The following LPL variants were observed in gnomAD, a reference collection of about 807,000 sequenced individuals.
The protein encoded by LPL is lipoprotein lipase, also known as phospholipase A1.
A neutral mutation model predicts 52.2 loss-of-function variants in LPL; 43 were observed. The observed-to-expected ratio is 0.82, with a 90% CI of 0.64 to 1.06. The LOEUF is 1.06. Among genes scored for constraint, LPL ranks in the 50% least tolerant of loss-of-function variants. The pLI, the probability that LPL is intolerant of heterozygous loss-of-function variation, is 0.00. For synonymous variants in LPL, 244 were observed against 215.6 expected, an observed-to-expected ratio of 1.13 and a Z score of -1.15; for missense variants, 639 against 585.3, an observed-to-expected ratio of 1.09 and a Z score of -0.95.
chr8:19,961,109 C>G (rs758861206), intron 8 of LPL, 26 bp downstream of exon 8: 1 of 1,605,720 alleles, frequency 6.2e-7, no homozygotes, highest in Non-Finnish European at 8.5e-7. Context: ...TTTCTTCCTT[C>G]ACTTTAGACC....
chr8:19,953,021 T>C (rs2069949055), intron 3 of LPL, among the ~76,000 whole-genome samples: 1 of 152,296 alleles, frequency 6.6e-6, no homozygotes, highest in South Asian at 2.1e-4. Context: ...ATTATATACA[T>C]AAATAATACT....
At position 19,953,294 on chromosome 8, in the gene LPL, T is replaced by C; in HGVS notation, c.430-16T>C. On this transcript the variant is annotated splice_polypyrimidine_tract_variant and intron_variant, in intron 3 of 9. Coordinates refer to ENST00000650287, the MANE Select transcript of LPL (RefSeq NM_000237.3). ...GGCAGAACTGTAAGCACCTTCATTTTCTTTTTCTTCCAAAGGAGGAGTTTA... is the reference window on the plus strand; with the variant it reads ...GGCAGAACTGTAAGCACCTTCATTTCCTTTTTCTTCCAAAGGAGGAGTTTA... 6.6e-7 allele frequency: 1 copy of C among 1,523,194 alleles called. No individual in the cohort carries two copies. The highest frequency in any genetic ancestry group is 1.1e-5 in the South Asian group (1 of 89,354). The allele number at this position is 1,523,194 out of a possible 1,614,324, so 94.4% of individuals were successfully genotyped here.
chr8:19,954,164 A>G lies in LPL; in HGVS notation c.586A>G (p.Ser196Gly), dbSNP rs1171454451. The change falls in exon 5 of 10, where the codon AGT becomes GGT. Residue 196 changes from serine to glycine, a missense_variant. Physicochemically the swap from Ser to Gly is moderately conservative, Grantham distance 56. Coordinates refer to ENST00000650287, the MANE Select transcript of LPL (RefSeq NM_000237.3). ...GPNFEYAEAP[S>G]RLSPDDADFV... is the part of the protein sequence containing the mutation. ...TAACTTTGAGTATGCAGAAGCCCCG[A>G]GTCGTCTTTCTCCTGATGATGCAGA... The G allele has an allele frequency of 6.2e-7, 1 of 1,614,074 alleles. No homozygotes were observed. Among genetic ancestry groups the G allele is most frequent in the Non-Finnish European group, 8.5e-7 (1 of 1,180,046 alleles).
At chr8:19,962,443 G>A (rs370324129) in intron 9 of LPL, among the ~76,000 whole-genome samples, 132 of 152,182 alleles carry the variant, frequency 8.7e-4, no homozygotes, top group African/African-American at 3.0e-3. Context: ...CTCCCAGCCC[G>A]GACCTTCAAC....
chr8:19,965,102 GC>G lies in LPL; in HGVS notation c.*-207del, dbSNP rs147900112. Among the ~76,000 whole-genome samples the G allele has an allele frequency of 0.037, 5,688 of 152,214 alleles. 355 individuals are homozygous for G. Among genetic ancestry groups the G allele is most frequent in the African/African-American group, 0.13 (5,287 of 41,482 alleles). On this transcript the variant is annotated intron_variant, in intron 9 of 9. Coordinates refer to ENST00000650287, the MANE Select transcript of LPL (RefSeq NM_000237.3). ...AAATGATGCACCTTATTGGGACGGG[GC>G]TAAATAGTTGCTCCAGTGTCTTCCA...
At chr8:19,942,304 C>G (rs1348851972) in intron 1 of LPL, among the ~76,000 whole-genome samples, 1 of 152,114 alleles carries the variant, frequency 6.6e-6, no homozygotes, top group Non-Finnish European at 1.5e-5. Context: ...GTGACCACCA[C>G]AAAGACTGCA....
In LPL at chr8:19,965,900, G is replaced by A. The variant is rs949804827; in HGVS notation, c.*590G>A. The A allele has an allele frequency of 6.6e-6, 1 of 152,346 alleles. No individual in the cohort carries two copies. The highest frequency in any genetic ancestry group is 1.5e-5 in the Non-Finnish European group (1 of 68,234). 9.4% of individuals were successfully genotyped at this position (152,346 alleles called of 1,614,324 possible). On this transcript the variant is annotated 3_prime_UTR_variant, in exon 10 of 10. Coordinates refer to ENST00000650287, the MANE Select transcript of LPL (RefSeq NM_000237.3). ...GAAGAAAGGGTCTGATAAACACAGA[G>A]GTTTTAAACAGTCCCTACCATTGGC...
At chr8:19,951,091 T>G (rs1228743251) in intron 2 of LPL, among the ~76,000 whole-genome samples, 1 of 152,082 alleles carries the variant, frequency 6.6e-6, no homozygotes, top group African/African-American at 2.4e-5. Flanking sequence ...ATGAGGAGGC[T>G]CTCCAGCTGT....
chr8:19,966,986 T>C lies in LPL; in HGVS notation c.*1676T>C, dbSNP rs1023786137. 1.3e-5 allele frequency: 2 copies of C among 152,636 alleles called. No individual in the cohort carries two copies. The highest frequency in any genetic ancestry group is 2.4e-5 in the African/African-American group (1 of 41,448). The allele number at this position is 152,636 out of a possible 1,614,324, so 9.5% of individuals were successfully genotyped here. On this transcript the variant is annotated 3_prime_UTR_variant, in exon 10 of 10. Coordinates refer to ENST00000650287, the MANE Select transcript of LPL (RefSeq NM_000237.3). ...TCTGGCTCCGAAAAACTTTGTTATA[T>C]ATATCAAGGATGTTCTGGCTTTACA...
rs1025470179 is a variant in LPL, at chr8:19,966,033, T to C, written c.*723T>C. ...TAATCCCTCTCTCCCCCTTCTTTTT[T>C]GTCTCAAGATTATATTATAATAATG... On this transcript the variant is annotated 3_prime_UTR_variant, in exon 10 of 10. Transcript: ENST00000650287. 6.6e-6 allele frequency: 1 copy of C among 152,154 alleles called. No homozygotes were observed. The highest frequency in any genetic ancestry group is 2.4e-5 in the African/African-American group (1 of 41,438). 9.4% of individuals were successfully genotyped at this position (152,154 alleles called of 1,614,324 possible).
intron 1 of LPL, among the ~76,000 whole-genome samples, chr8:19,945,364 G>T (rs372946112): frequency 6.6e-6 from 1 of 152,092 alleles, no homozygotes; most frequent in African/African-American, 2.4e-5. Context: ...CCAAGAAAAG[G>T]AAAGTTTGAC....
rs1563561241 is a variant in LPL at position 19,939,335 on chromosome 8, A to G, written c.-106A>G. 2 of 1,073,172 alleles carry G rather than the reference A, an allele frequency of 1.9e-6. No individual in the cohort carries two copies. The highest frequency in any genetic ancestry group is 2.8e-6 in the Non-Finnish European group (2 of 724,256). The allele number at this position is 1,073,172 out of a possible 1,614,324, so 66.5% of individuals were successfully genotyped here. ...GCCCTGCCATCCCCTTTAAAGGGCG[A>G]CTTGCTCAGCGCCAAACCGCGGCTC... On this transcript the variant is annotated 5_prime_UTR_variant, in exon 1 of 10. Coordinates refer to ENST00000650287, the MANE Select transcript of LPL (RefSeq NM_000237.3). The surrounding 1 kb of genome is among the most constrained non-coding windows in gnomAD (Gnocchi z 4.0).
rs2069979437 is a variant in LPL at position 19,955,845 on chromosome 8, G to A, written c.780G>A (p.Val260=). The change falls in exon 6 of 10, where the codon GTG becomes GTA. Residue 260 remains valine (V), a synonymous_variant. Coordinates refer to ENST00000650287, the MANE Select transcript of LPL (RefSeq NM_000237.3). ...TGGTGTCTCTTTTTTACCCAGATGTGGACCAGCTAGTGAAGTGCTCCCACG... is the reference window on the plus strand; with the variant it reads ...TGGTGTCTCTTTTTTACCCAGATGTAGACCAGCTAGTGAAGTGCTCCCACG... ...RVIAERGLGD[V]DQLVKCSHER... is the part of the protein sequence containing the mutation. 27 of 1,614,112 alleles carry A rather than the reference G, an allele frequency of 1.7e-5. No homozygotes were observed. The highest frequency in any genetic ancestry group is 1.7e-4 in the Middle Eastern group (1 of 6,060).
rs779082575 is a variant in LPL at position 19,944,072 on chromosome 8, G to A, written c.89-4108G>A. On this transcript the variant is annotated intron_variant, in intron 1 of 9. Coordinates refer to ENST00000650287, the MANE Select transcript of LPL (RefSeq NM_000237.3). The surrounding 1 kb of genome is among the most constrained non-coding windows in gnomAD (Gnocchi z 4.2). ...CGTGGTGGCAGGCACCTGTAATCCC[G>A]GCTACTCGGGAGGCTGAGGCAGAGA... is the stretch of plus-strand genomic sequence containing the variant. Among the ~76,000 whole-genome samples, 7 of 151,954 alleles carry A rather than the reference G, an allele frequency of 4.6e-5. No homozygotes were observed. Among genetic ancestry groups the A allele is most frequent in the Non-Finnish European group, 7.4e-5 (5 of 67,938 alleles).
At chr8:19,940,572 G>GCAA (rs2069829168) in intron 1 of LPL, among the ~76,000 whole-genome samples, 1 of 152,236 alleles carries the variant, frequency 6.6e-6, no homozygotes, top group Non-Finnish European at 1.5e-5. Flanking sequence ...CAGTAAACAT[G>GCAA]CAACAGCAGC....
intron 1 of LPL, among the ~76,000 whole-genome samples, chr8:19,943,698 A>G (rs1446119920): frequency 6.6e-6 from 1 of 152,222 alleles, no homozygotes; most frequent in African/African-American, 2.4e-5. Flanking sequence ...GATCTCCTTA[A>G]ATAATGATGG....
At position 19,963,075 on chromosome 8, in the gene LPL, A is replaced by G. The variant is rs184536204; in HGVS notation, c.1427+856A>G. The stretch of plus-strand genomic sequence containing the variant: ...CACAAGAAATGAAGGGAAAGGCTAG[A>G]CACAGTGTCATCTGGAAACAGGAAA... On this transcript the variant is annotated intron_variant, in intron 9 of 9. Transcript: ENST00000650287. 1.5e-3 allele frequency among the ~76,000 whole-genome samples: 236 copies of G among 152,366 alleles called. 3 individuals are homozygous for G. Among genetic ancestry groups the G allele is most frequent in the Non-Finnish European group, 1.1e-3 (76 of 68,036 alleles).
Position 19,939,445 on chromosome 8 carries a change from A to T in LPL, c.5A>T (p.Glu2Val), listed in dbSNP as rs1197167392. 6 of 1,608,920 alleles carry T rather than the reference A, an allele frequency of 3.7e-6. No individual in the cohort carries two copies. In the East Asian group the frequency reaches 9.0e-5, roughly 24 times the overall value. Reference protein sequence around the residue: MESKALLVLTLA... With the variant: MVSKALLVLTLA... Reference sequence around the variant, plus strand: ...TCCAGAGGGACGCGCCCCGAGATGGAGAGCAAAGCCCTGCTCGTGCTGACT... The same window carrying T: ...TCCAGAGGGACGCGCCCCGAGATGGTGAGCAAAGCCCTGCTCGTGCTGACT... The change falls in exon 1 of 10, where the codon GAG becomes GTG. Residue 2 changes from glutamate to valine, a missense_variant. Transcript: ENST00000650287. The surrounding 1 kb of genome is among the most constrained non-coding windows in gnomAD (Gnocchi z 4.0).
At chr8:19,940,513 C>G (rs1224053516) in intron 1 of LPL, among the ~76,000 whole-genome samples, 1 of 152,250 alleles carries the variant, frequency 6.6e-6, no homozygotes, top group Non-Finnish European at 1.5e-5. Flanking sequence ...ATGAGAATGT[C>G]TCAGACCTGT....
Sources: gnomAD v4.1 joint callset for allele counts (sites outside exome capture counted in the v4.1 genomes callset) on GRCh38, gnomAD v4.1.1 for gene constraint, Gnocchi (gnomAD v3.1) non-coding constraint, MANE v1.5 for transcripts, NCBI Gene and HGNC (gene_info 2026-07-23, HGNC 2026-07-21) for gene names.